Variants in NOL4 observed in about 807,000 individuals in gnomAD.
The protein encoded by NOL4 is cancer/testis antigen 125.
Under a neutral mutation model 75.9 loss-of-function variants are expected in NOL4, and 17 were observed. The ratio of observed to expected loss-of-function variants is 0.22; its 90% CI spans 0.15 to 0.34. The LOEUF is 0.34. Ranked by LOEUF, NOL4 falls within the 10% of genes least tolerant of loss-of-function variation. NOL4 has a pLI of 1.00. For synonymous variants in NOL4, 292 were observed against 289.9 expected (o/e 1.01, Z -0.07); for missense variants, 614 against 793.5 (o/e 0.77, Z 2.72).
rs2077025545 is a variant in NOL4 at position 34,060,483 on chromosome 18, T to C, written c.772+32982A>G. Among the ~76,000 whole-genome samples, 6 of 152,238 alleles carry C rather than the reference T, an allele frequency of 3.9e-5. No homozygotes were observed. The South Asian group carries it at 1.2e-3, about 31-fold the overall frequency. On this transcript the variant is annotated intron_variant, in intron 5 of 10. Coordinates refer to ENST00000261592, the MANE Select transcript of NOL4 (RefSeq NM_003787.5). ...TTTATTTTTCCATTGCATTTATTTC[T>C]TATTAAAATACTGTATGTTATTAAT...
chr18:33,863,251 T>A (rs553942968), intron 10 of NOL4, among the ~76,000 whole-genome samples: 1 of 151,164 alleles, frequency 6.6e-6, no homozygotes, highest in Non-Finnish European at 1.5e-5. Flanking sequence ...TACGGTAACA[T>A]CACACTCTGG....
intron 6 of NOL4, among the ~76,000 whole-genome samples, chr18:33,964,510 A>C (rs2070417912): frequency 6.8e-6 from 1 of 147,574 alleles, no homozygotes; most frequent in Non-Finnish European, 1.5e-5. Flanking sequence ...AAAGAAAAGA[A>C]AGGAAGGAAG....
intron 9 of NOL4, among the ~76,000 whole-genome samples, chr18:33,909,445 G>T (rs1299751300): frequency 6.6e-6 from 1 of 151,996 alleles, no homozygotes; most frequent in South Asian, 2.1e-4. Flanking sequence ...CATATCCCAC[G>T]ATTACTTCCT....
chr18:34,077,450 C>T (rs934496655), intron 5 of NOL4, among the ~76,000 whole-genome samples: 2 of 152,000 alleles, frequency 1.3e-5, no homozygotes, highest in African/African-American at 2.4e-5. Flanking sequence ...TACACACACA[C>T]AATCACACAC....
intron 1 of NOL4, chr18:34,221,243 T>C (rs955516741): frequency 2.6e-5 from 4 of 152,232 alleles, no homozygotes; most frequent in African/African-American, 9.7e-5. Flanking sequence ...ACATACATGA[T>C]ATTATGAAAT....
chr18:34,089,366 T>C (rs972032062), intron 5 of NOL4, among the ~76,000 whole-genome samples: 1 of 152,222 alleles, frequency 6.6e-6, no homozygotes, highest in Non-Finnish European at 1.5e-5. Context: ...TAGGAATTTC[T>C]TCTATAGTTT....
intron 1 of NOL4, among the ~76,000 whole-genome samples, chr18:34,180,511 C>A (rs1320269013): frequency 6.6e-6 from 1 of 151,480 alleles, no homozygotes; most frequent in Non-Finnish European, 1.5e-5. Flanking sequence ...CTACAAAAAA[C>A]CAACAAGTAA....
chr18:34,162,487 G>A (rs542969831), intron 1 of NOL4, among the ~76,000 whole-genome samples: 8 of 152,268 alleles, frequency 5.3e-5, no homozygotes, highest in African/African-American at 1.9e-4. Flanking sequence ...AGAAAATCTA[G>A]AAGAAATGGA....
In NOL4 at chr18:34,095,251, A is replaced by ATGTGTGTGTGTGTGTGTG. The variant is rs60017439; in HGVS notation, c.640-1672_640-1655dup. 1.1e-3 allele frequency among the ~76,000 whole-genome samples: 153 copies of ATGTGTGTGTGTGTGTGTG among 144,506 alleles called. 1 individual carries two copies. Among genetic ancestry groups the ATGTGTGTGTGTGTGTGTG allele is most frequent in the East Asian group, 4.5e-3 (22 of 4,884 alleles). 94.8% of individuals were successfully genotyped at this position (144,506 alleles called of 152,430 possible). ...ACTCCAATTCTAAATTCTAATGTGT[A>ATGTGTGTGTGTGTGTGTG]TGTGTGTGTGTGTGTGTGTGTGTGT... On this transcript the variant is annotated intron_variant, in intron 4 of 10. Coordinates refer to ENST00000261592, the MANE Select transcript of NOL4 (RefSeq NM_003787.5).
At chr18:33,902,654 T>G (rs2065809718) in intron 9 of NOL4, among the ~76,000 whole-genome samples, 1 of 152,116 alleles carries the variant, frequency 6.6e-6, no homozygotes, top group Admixed American at 6.6e-5. Flanking sequence ...GGAATGTGAG[T>G]TCTTTTTTCA....
At chr18:33,886,882 T>TAC (rs2064719102) in intron 9 of NOL4, among the ~76,000 whole-genome samples, 1 of 140,604 alleles carries the variant, frequency 7.1e-6, no homozygotes, top group Admixed American at 7.3e-5. Flanking sequence ...TATATATCTA[T>TAC]ATATCTAGAT....
At chr18:34,136,327 G>A (rs1020334813) in intron 1 of NOL4, among the ~76,000 whole-genome samples, 1 of 152,094 alleles carries the variant, frequency 6.6e-6, no homozygotes, top group African/African-American at 2.4e-5. Flanking sequence ...CATCATACTG[G>A]TGAATCTAGC....
rs2081434860 is a variant in NOL4 at position 34,147,169 on chromosome 18, G to A, written c.265-17149C>T. 2.0e-5 allele frequency among the ~76,000 whole-genome samples: 3 copies of A among 152,078 alleles called. No homozygotes were observed. The South Asian group carries it at 6.2e-4, about 32-fold the overall frequency. ...TACAATCATGTCATCTGCAAACATAGACGATTTGACTTTCTCTCTTCCTAT... is the reference window on the plus strand; with the variant it reads ...TACAATCATGTCATCTGCAAACATAAACGATTTGACTTTCTCTCTTCCTAT... On this transcript the variant is annotated intron_variant, in intron 1 of 10. Coordinates refer to ENST00000261592, the MANE Select transcript of NOL4 (RefSeq NM_003787.5).
At chr18:33,879,641 A>G (rs917237155) in intron 10 of NOL4, among the ~76,000 whole-genome samples, 1 of 152,068 alleles carries the variant, frequency 6.6e-6, no homozygotes, top group African/African-American at 2.4e-5. Context: ...AGGGCACACC[A>G]CTACACTCCA....
chr18:34,119,890 G>A (rs948183383), intron 2 of NOL4, among the ~76,000 whole-genome samples: 1 of 152,052 alleles, frequency 6.6e-6, no homozygotes, highest in African/African-American at 2.4e-5. Context: ...CCAAAGTGCT[G>A]GGATTACAGG....
chr18:34,048,566 C>T, intron 5 of NOL4: 1 of 985,400 alleles, frequency 1.0e-6, no homozygotes, highest in Non-Finnish European at 1.2e-6. Context: ...AGTCTGACTT[C>T]CCCTAAATTC....
At chr18:34,127,728 T>A (rs972390464) in intron 2 of NOL4, among the ~76,000 whole-genome samples, 2 of 151,912 alleles carry the variant, frequency 1.3e-5, no homozygotes, top group Admixed American at 6.6e-5. Flanking sequence ...TCACTGGCAT[T>A]GCAAGCAGTT....
chr18:34,103,162 C>T (rs2079118260), intron 4 of NOL4, among the ~76,000 whole-genome samples: 1 of 151,982 alleles, frequency 6.6e-6, no homozygotes, highest in Non-Finnish European at 1.5e-5. Flanking sequence ...AAACATTTAA[C>T]CTCATTTCCT....
chr18:33,924,542 G>A (rs1441247315), intron 9 of NOL4, among the ~76,000 whole-genome samples: 1 of 152,116 alleles, frequency 6.6e-6, no homozygotes, highest in Non-Finnish European at 1.5e-5. Context: ...TAAACTTTTT[G>A]TGATGCTATG....
Sources: gnomAD v4.1 joint callset for allele counts (sites outside exome capture counted in the v4.1 genomes callset) on GRCh38, gnomAD v4.1.1 for gene constraint, MANE v1.5 for transcripts, NCBI Gene and HGNC (gene_info 2026-07-23, HGNC 2026-07-21) for gene names.